Variants in STXBP5 observed in about 807,000 individuals in gnomAD.
The protein encoded by STXBP5 is syntaxin-binding protein 5.
STXBP5 carries 50 observed loss-of-function variants against 152.4 expected under a neutral mutation model. The observed-to-expected ratio is 0.33, with a 90% CI of 0.26 to 0.42. STXBP5 has a LOEUF of 0.42. Among genes scored for constraint, STXBP5 ranks in the 10% least tolerant of loss-of-function variants. The pLI is 1.00. For missense variants in STXBP5, 1,167 were observed against 1,388.6 expected (o/e 0.84, Z 2.54); for synonymous variants, 492 against 494.7 (o/e 0.99, Z 0.07).
At chr6:147,248,034 A>G (rs1334199973) in intron 4 of STXBP5, among the ~76,000 whole-genome samples, 3 of 152,096 alleles carry the variant, frequency 2.0e-5, no homozygotes, top group East Asian at 1.9e-4. Flanking sequence ...AATCCCAGCA[A>G]TTTGGGAGGC....
At chr6:147,259,956 C>T (rs1019507755) in intron 4 of STXBP5, among the ~76,000 whole-genome samples, 8 of 151,954 alleles carry the variant, frequency 5.3e-5, no homozygotes, top group African/African-American at 1.9e-4. Flanking sequence ...TTAATGAAGG[C>T]CTGCCATATC....
Position 147,389,026 on chromosome 6 carries a change from A to G in STXBP5, c.*4271A>G, listed in dbSNP as rs191885817. On this transcript the variant is annotated 3_prime_UTR_variant, in exon 28 of 28. Coordinates refer to ENST00000321680, the MANE Select transcript of STXBP5 (RefSeq NM_001127715.4). ...TTTGGGGGGAAAAAAGCACTCCTAT[A>G]TCTTAAATGTCCTTCTTTTTTCTTT... 1.3e-5 allele frequency: 2 copies of G among 151,622 alleles called. No homozygotes were observed. Among genetic ancestry groups the G allele is most frequent in the African/African-American group, 2.4e-5 (1 of 41,482 alleles). The allele number at this position is 151,622 out of a possible 1,614,324, so 9.4% of individuals were successfully genotyped here. A position where few individuals can be genotyped will look rare whatever the true frequency, so the allele number is the denominator to read the frequency against.
At chr6:147,264,832 T>G (rs1026130389) in intron 6 of STXBP5, among the ~76,000 whole-genome samples, 1 of 152,114 alleles carries the variant, frequency 6.6e-6, no homozygotes, top group Non-Finnish European at 1.5e-5. Context: ...GCTGGAAGAT[T>G]ATGGGCATAA....
At chr6:147,231,695 G>A (rs1296680984) in intron 2 of STXBP5, among the ~76,000 whole-genome samples, 1 of 151,800 alleles carries the variant, frequency 6.6e-6, no homozygotes, top group African/African-American at 2.4e-5. Context: ...AGAATGTTCA[G>A]TGTATAATCT....
chr6:147,323,684 A>G (rs578089790), intron 16 of STXBP5, among the ~76,000 whole-genome samples: 1 of 152,110 alleles, frequency 6.6e-6, no homozygotes, highest in Non-Finnish European at 1.5e-5. Context: ...GAGCCACTGC[A>G]CCCAGCCTGT....
chr6:147,360,721 A>T (rs1785027309), intron 23 of STXBP5, among the ~76,000 whole-genome samples: 2 of 152,174 alleles, frequency 1.3e-5, no homozygotes, highest in South Asian at 4.1e-4. Flanking sequence ...AGCAAATTTT[A>T]AAAAATAGTA....
intron 4 of STXBP5, among the ~76,000 whole-genome samples, chr6:147,258,910 G>T (rs1472154575): frequency 6.6e-6 from 1 of 152,010 alleles, no homozygotes; most frequent in African/African-American, 2.4e-5. Context: ...GCAACTGGAA[G>T]TTTAGTTTTT....
At chr6:147,262,548 A>G (rs1162746802) in intron 6 of STXBP5, among the ~76,000 whole-genome samples, 195 bp downstream of exon 6, 1 of 152,022 alleles carries the variant, frequency 6.6e-6, no homozygotes, top group Non-Finnish European at 1.5e-5. Flanking sequence ...TTAAAGGACA[A>G]AACAATACCT....
In STXBP5 at chr6:147,204,466, T is replaced by G; in HGVS notation, c.-67T>G. ...GGTCGAAGCTGCCTTCGGCCCCGGG[T>G]GGTCTCCCCCGCCCGGGGACCCCCT... On this transcript the variant is annotated 5_prime_UTR_variant, in exon 1 of 28. Transcript: ENST00000321680. The surrounding 1 kb of genome is among the most constrained non-coding windows in gnomAD (Gnocchi z 4.3). 1 of 1,537,152 alleles carries G rather than the reference T, an allele frequency of 6.5e-7. No homozygotes were observed.
At chr6:147,367,456 G>C (rs1218472795) in intron 25 of STXBP5, among the ~76,000 whole-genome samples, 3 of 152,016 alleles carry the variant, frequency 2.0e-5, no homozygotes, top group Non-Finnish European at 4.4e-5. Flanking sequence ...GGCTAACACA[G>C]TGAAACCCCG....
chr6:147,358,949 A>G (rs1200300686), intron 22 of STXBP5, 135 bp from the exon 23 acceptor site: 1 of 1,046,872 alleles, frequency 9.6e-7, no homozygotes. Flanking sequence ...ATCAACTAAA[A>G]TGAAGTGAAT....
At chr6:147,360,274 T>A (rs1421637327) in intron 23 of STXBP5, among the ~76,000 whole-genome samples, 1 of 152,148 alleles carries the variant, frequency 6.6e-6, no homozygotes, top group African/African-American at 2.4e-5. Flanking sequence ...AAATACCATT[T>A]GACCCAGCCA....
intron 2 of STXBP5, among the ~76,000 whole-genome samples, chr6:147,214,762 C>T (rs1355166284): frequency 6.6e-5 from 10 of 151,990 alleles, no homozygotes; most frequent in Admixed American, 5.2e-4. Context: ...AAATAAACTA[C>T]GAAGAATGTT....
intron 11 of STXBP5, 148 bp downstream of exon 11, chr6:147,311,675 T>C (rs1782384249): frequency 3.6e-6 from 2 of 559,204 alleles, no homozygotes; most frequent in Non-Finnish European, 3.1e-6. Flanking sequence ...GACTCACATA[T>C]CTACTTACTC....
At chr6:147,239,795 A>G (rs1778448048) in intron 4 of STXBP5, among the ~76,000 whole-genome samples, 1 of 152,240 alleles carries the variant, frequency 6.6e-6, no homozygotes, top group Non-Finnish European at 1.5e-5. Context: ...TACATATACA[A>G]GTATATCCAT....
At chr6:147,351,474 ATC>A (rs1336778434) in intron 21 of STXBP5, among the ~76,000 whole-genome samples, 1 of 152,116 alleles carries the variant, frequency 6.6e-6, no homozygotes, top group Non-Finnish European at 1.5e-5. Flanking sequence ...TGTGATGAAA[ATC>A]TCTGGATTTT....
chr6:147,316,357 T>C lies in STXBP5; in HGVS notation c.1752T>C (p.Ser584=), dbSNP rs35291648. 1.9e-4 allele frequency: 308 copies of C among 1,598,300 alleles called. 1 individual carries two copies. In the African/African-American group the frequency reaches 3.7e-3, roughly 19 times the overall value. ...PQPIPPQSHP[S]TSSSSSDGLR... The stretch of plus-strand genomic sequence containing the variant: ...CCATCCCTCCTCAGTCTCATCCATC[T>C]ACCAGTAGCAGTTCATCTGATGGGC... The change falls in exon 16 of 28, where the codon TCT becomes TCC. Residue 584 remains serine (S), a synonymous_variant. Coordinates refer to ENST00000321680, the MANE Select transcript of STXBP5 (RefSeq NM_001127715.4).
chr6:147,236,293 A>T (rs1340836992), intron 3 of STXBP5, among the ~76,000 whole-genome samples: 1 of 152,172 alleles, frequency 6.6e-6, no homozygotes, highest in East Asian at 1.9e-4. Context: ...ACTGTATATT[A>T]GGCATTTTAA....
rs552740974 is a variant in STXBP5 at position 147,378,927 on chromosome 6, T to C, written c.3194-3851T>C. Among the ~76,000 whole-genome samples, 112 of 152,332 alleles carry C rather than the reference T, an allele frequency of 7.4e-4. 2 individuals carry two copies. Among genetic ancestry groups the C allele is most frequent in the African/African-American group, 2.6e-3 (110 of 41,576 alleles). ...AGGTTAGAAATCAACACAGGTCTTA[T>C]GGGTGTTCCCATGGCTGTGTTTCTT... On this transcript the variant is annotated intron_variant, in intron 26 of 27. Coordinates refer to ENST00000321680, the MANE Select transcript of STXBP5 (RefSeq NM_001127715.4).
Sources: gnomAD v4.1 joint callset for allele counts (sites outside exome capture counted in the v4.1 genomes callset) on GRCh38, gnomAD v4.1.1 for gene constraint, Gnocchi (gnomAD v3.1) non-coding constraint, MANE v1.5 for transcripts, NCBI Gene and HGNC (gene_info 2026-07-23, HGNC 2026-07-21) for gene names.